The following BAZ2B variants were observed in gnomAD, a reference collection of about 807,000 sequenced individuals.
BAZ2B encodes the protein bromodomain adjacent to zinc finger domain protein 2B.
In BAZ2B, 91 loss-of-function variants were observed where a neutral mutation model predicts 246.0. The observed-to-expected ratio is 0.37, with a 90% CI of 0.31 to 0.44. BAZ2B has a LOEUF of 0.44. BAZ2B is among the 20% of genes least tolerant of loss of function. The probability of loss-of-function intolerance (pLI) is 1.00; values close to 1 mark genes in which losing one functional copy is unlikely to be tolerated. For synonymous variants in BAZ2B, 855 were observed against 860.0 expected (o/e 0.99, Z 0.10); for missense variants, 2,332 against 2,533.7 (o/e 0.92, Z 1.71).
chr2:159,450,778 C>A (rs576313082), intron 4 of BAZ2B, among the ~76,000 whole-genome samples: 1 of 148,670 alleles, frequency 6.7e-6, no homozygotes, highest in African/African-American at 2.5e-5. Flanking sequence ...TGTGCTCTGT[C>A]GCCCAGGCTG....
chr2:159,545,141 G>A (rs2087154754), intron 2 of BAZ2B, among the ~76,000 whole-genome samples: 1 of 152,198 alleles, frequency 6.6e-6, no homozygotes, highest in Non-Finnish European at 1.5e-5. Context: ...TTAGGCAATA[G>A]CCCAAAGGTG....
chr2:159,674,401 G>A, the BAZ2B span, among the ~76,000 whole-genome samples: 11 of 140,594 alleles, frequency 7.8e-5, no homozygotes, highest in African/African-American at 2.5e-4. Flanking sequence ...AAAGAAAAGA[G>A]AAGAGAAGAA....
At chr2:159,629,388 A>G in the BAZ2B span, among the ~76,000 whole-genome samples, 1 of 152,312 alleles carries the variant, frequency 6.6e-6, no homozygotes, top group East Asian at 1.9e-4. Flanking sequence ...TGTTTATTGC[A>G]GCACTATTCA....
intron 3 of BAZ2B, among the ~76,000 whole-genome samples, chr2:159,477,787 A>G (rs1467455130): frequency 1.3e-5 from 2 of 152,230 alleles, no homozygotes; most frequent in African/African-American, 2.4e-5. Flanking sequence ...GCTTAAAGAT[A>G]TCTTCTACCT....
chr2:159,412,549 T>C lies in BAZ2B; in HGVS notation c.2467-4A>G. On this transcript the variant is annotated splice_polypyrimidine_tract_variant and splice_region_variant and intron_variant, in intron 13 of 36. Coordinates refer to ENST00000392783, the MANE Select transcript of BAZ2B (RefSeq NM_013450.4). ...TCAAAAGACACCACTGCATTCCCTT[T>C]TAATTAACATTTTATAGAAATAATA... 6.2e-7 allele frequency: 1 copy of C among 1,606,798 alleles called. No homozygotes were observed. Among genetic ancestry groups the C allele is most frequent in the Non-Finnish European group, 8.5e-7 (1 of 1,175,618 alleles).
intron 36 of BAZ2B, among the ~76,000 whole-genome samples, chr2:159,320,900 G>A (rs952849143): frequency 1.3e-5 from 2 of 152,184 alleles, no homozygotes; most frequent in African/African-American, 4.8e-5. Context: ...CCAAGATATG[G>A]TGCTCTGCGT....
chr2:159,413,226 G>A (rs956137114), intron 13 of BAZ2B, among the ~76,000 whole-genome samples: 1 of 152,176 alleles, frequency 6.6e-6, no homozygotes. Flanking sequence ...AAAGAAACAC[G>A]GAAGTATAAG....
chr2:159,393,970 T>TC (rs1204229168), intron 20 of BAZ2B, among the ~76,000 whole-genome samples: 2 of 152,084 alleles, frequency 1.3e-5, no homozygotes, highest in Non-Finnish European at 2.9e-5. Context: ...ACCTGGGCAT[T>TC]CCCCCTCTCA....
chr2:159,461,788 T>A (rs571618140), intron 3 of BAZ2B: 1 of 152,888 alleles, frequency 6.5e-6, no homozygotes, highest in Non-Finnish European at 1.5e-5. Flanking sequence ...GTGGTTCAAG[T>A]CTTTGGATTT....
intron 2 of BAZ2B, among the ~76,000 whole-genome samples, chr2:159,498,499 G>A (rs2081386135): frequency 6.6e-6 from 1 of 152,114 alleles, no homozygotes; most frequent in Non-Finnish European, 1.5e-5. Context: ...TTAGATAATA[G>A]TGACATTTTT....
At chr2:159,601,910 C>A (rs932383101) in intron 1 of BAZ2B, among the ~76,000 whole-genome samples, 1 of 151,986 alleles carries the variant, frequency 6.6e-6, no homozygotes, top group East Asian at 1.9e-4. Context: ...ATTCTTTATA[C>A]AATAAAGTTA....
intron 34 of BAZ2B, among the ~76,000 whole-genome samples, chr2:159,331,842 T>A (rs1252148229): frequency 6.6e-6 from 1 of 152,104 alleles, no homozygotes; most frequent in Non-Finnish European, 1.5e-5. Flanking sequence ...GATAATGGGA[T>A]AATGACACAT....
At chr2:159,468,203 T>A (rs1028063645) in intron 3 of BAZ2B, among the ~76,000 whole-genome samples, 1 of 152,140 alleles carries the variant, frequency 6.6e-6, no homozygotes. Flanking sequence ...ATTTACTAAG[T>A]GCACTCCCTC....
intron 3 of BAZ2B, among the ~76,000 whole-genome samples, chr2:159,454,479 A>T (rs1339360525): frequency 1.3e-5 from 2 of 152,206 alleles, no homozygotes; most frequent in South Asian, 2.1e-4. Flanking sequence ...CCTGTTCAGG[A>T]TGTTACTGAA....
At chr2:159,451,519 T>C (rs1453629692) in intron 4 of BAZ2B, among the ~76,000 whole-genome samples, 1 of 152,196 alleles carries the variant, frequency 6.6e-6, no homozygotes, top group Non-Finnish European at 1.5e-5. Flanking sequence ...CTTTGAAAAC[T>C]AGGCATAGTC....
At chr2:159,710,398 C>CG in the BAZ2B span, among the ~76,000 whole-genome samples, 1 of 152,030 alleles carries the variant, frequency 6.6e-6, no homozygotes, top group African/African-American at 2.4e-5. Context: ...TTAGTAGAGA[C>CG]AGGGTTTCAC....
intron 1 of BAZ2B, among the ~76,000 whole-genome samples, chr2:159,566,771 A>T (rs1415626625): frequency 6.6e-6 from 1 of 152,210 alleles, no homozygotes; most frequent in Non-Finnish European, 1.5e-5. Flanking sequence ...TTGCATTTTT[A>T]ACTTTTCCCG....
chr2:159,363,837 A>G (rs1306244771), intron 27 of BAZ2B, among the ~76,000 whole-genome samples: 1 of 152,176 alleles, frequency 6.6e-6, no homozygotes, highest in Non-Finnish European at 1.5e-5. Flanking sequence ...AATTATTGGG[A>G]GAGGTGGAGT....
intron 2 of BAZ2B, among the ~76,000 whole-genome samples, chr2:159,519,432 T>G (rs377575530): frequency 1.4e-5 from 2 of 147,834 alleles, no homozygotes; most frequent in African/African-American, 4.9e-5. Context: ...GGGTTTCACC[T>G]TGTTAGCCAG....
Sources: gnomAD v4.1 joint callset for allele counts (sites outside exome capture counted in the v4.1 genomes callset) on GRCh38, gnomAD v4.1.1 for gene constraint, MANE v1.5 for transcripts, NCBI Gene and HGNC (gene_info 2026-07-23, HGNC 2026-07-21) for gene names.